PSD3: variants seen among roughly 807,000 people sequenced by gnomAD.
The protein encoded by PSD3 is pleckstrin and Sec7 domain containing 3, also known as PH and SEC7 domain-containing protein 3.
PSD3 carries 49 observed loss-of-function variants against 105.5 expected under a neutral mutation model. That is an observed-to-expected ratio of 0.46 (90% CI 0.37 to 0.59). The LOEUF is 0.59. Ranked by LOEUF, PSD3 falls within the 20% of genes least tolerant of loss-of-function variation. The pLI, the probability that PSD3 is intolerant of heterozygous loss-of-function variation, is 0.00. For missense variants in PSD3, 1,561 were observed against 1,263.8 expected, an observed-to-expected ratio of 1.24 and a Z score of -3.57; for synonymous variants, 557 against 457.8, an observed-to-expected ratio of 1.22 and a Z score of -2.77.
At chr8:18,628,971 G>C (rs769291491) in intron 11 of PSD3, among the ~76,000 whole-genome samples, 18 of 151,926 alleles carry the variant, frequency 1.2e-4, no homozygotes, top group Non-Finnish European at 2.4e-4. Flanking sequence ...AATGTAAATG[G>C]TATAGGCACT....
chr8:18,798,040 A>G (rs978529393), intron 8 of PSD3, among the ~76,000 whole-genome samples: 3 of 152,166 alleles, frequency 2.0e-5, no homozygotes, highest in Admixed American at 2.0e-4. Context: ...CTTGGCCAGT[A>G]ACACGAAAAA....
intron 4 of PSD3, among the ~76,000 whole-genome samples, chr8:18,834,274 GCAA>G (rs992409706): frequency 7.2e-5 from 11 of 152,220 alleles, no homozygotes; most frequent in Admixed American, 2.0e-4. Context: ...TGATTACATG[GCAA>G]CACCACTAAG....
intron 11 of PSD3, among the ~76,000 whole-genome samples, chr8:18,610,101 T>C (rs1365297899): frequency 6.6e-6 from 1 of 152,236 alleles, no homozygotes; most frequent in African/African-American, 2.4e-5. Flanking sequence ...AATCACTTAA[T>C]CCTTATAGTC....
intron 10 of PSD3, among the ~76,000 whole-genome samples, chr8:18,648,432 C>T (rs1808220558): frequency 6.6e-6 from 1 of 152,180 alleles, no homozygotes; most frequent in Admixed American, 6.5e-5. Flanking sequence ...GAATTTTGAA[C>T]TTGAGAGTGA....
chr8:18,666,623 C>T (rs942520049), intron 9 of PSD3, among the ~76,000 whole-genome samples: 12 of 151,864 alleles, frequency 7.9e-5, no homozygotes, highest in South Asian at 6.2e-4. Flanking sequence ...CAGGGAGAGA[C>T]TCCGGGGGTT....
intron 14 of PSD3, among the ~76,000 whole-genome samples, chr8:18,566,119 G>T (rs1801730717): frequency 6.6e-6 from 1 of 152,060 alleles, no homozygotes; most frequent in African/African-American, 2.4e-5. Context: ...AAGAGCCTCA[G>T]GTGCTACTCC....
rs201804358 is a variant in PSD3, at chr8:18,967,163, T to TA, written c.22-31022_22-31021insT. 5.5e-3 allele frequency among the ~76,000 whole-genome samples: 840 copies of TA among 151,734 alleles called. 9 individuals carry two copies. Among genetic ancestry groups the TA allele is most frequent in the Non-Finnish European group, 8.7e-3 (592 of 67,878 alleles). ...GGATTTTCTTTTTTCTTTATTTATT[T>TA]TTTTTTTTTGAGACGGAGTTTCACT... On this transcript the variant is annotated intron_variant, in intron 1 of 15. Transcript: ENST00000327040.
chr8:18,810,723 G>A (rs1253840706), intron 4 of PSD3, among the ~76,000 whole-genome samples: 1 of 152,120 alleles, frequency 6.6e-6, no homozygotes, highest in African/African-American at 2.4e-5. Flanking sequence ...TTAGGCAAAG[G>A]CAAATTAGAA....
At chr8:18,670,798 T>C (rs1315037944) in intron 9 of PSD3, among the ~76,000 whole-genome samples, 1 of 152,168 alleles carries the variant, frequency 6.6e-6, no homozygotes, top group Admixed American at 6.5e-5. Flanking sequence ...TGGGCACGAA[T>C]AGAACATTTC....
intron 2 of PSD3, among the ~76,000 whole-genome samples, chr8:18,875,172 A>C (rs146296890): frequency 5.3e-4 from 81 of 152,104 alleles, no homozygotes; most frequent in Middle Eastern, 6.8e-3. Context: ...TCTCGCCTTG[A>C]CCTTGGGATT....
At chr8:18,857,656 A>T (rs952935978) in intron 4 of PSD3, among the ~76,000 whole-genome samples, 6 of 152,212 alleles carry the variant, frequency 3.9e-5, no homozygotes, top group Non-Finnish European at 8.8e-5. Context: ...GTTGTAGACC[A>T]GTGCTTTGCA....
chr8:18,660,831 T>C (rs1809293491), intron 9 of PSD3, among the ~76,000 whole-genome samples: 1 of 152,178 alleles, frequency 6.6e-6, no homozygotes, highest in Admixed American at 6.5e-5. Flanking sequence ...CACATACCTC[T>C]CTCGACACTA....
intron 4 of PSD3, among the ~76,000 whole-genome samples, chr8:18,828,601 G>A (rs752910921): frequency 1.4e-4 from 21 of 152,202 alleles, no homozygotes; most frequent in African/African-American, 4.6e-4. Context: ...GGGAGTTCAA[G>A]ACCAGCCTGG....
chr8:19,065,942 A>G (rs953249507), intron 1 of PSD3, among the ~76,000 whole-genome samples: 1 of 152,170 alleles, frequency 6.6e-6, no homozygotes, highest in African/African-American at 2.4e-5. Context: ...CCATGAATCA[A>G]CTTGTTAGCA....
chr8:18,561,101 A>C (rs917703802), intron 14 of PSD3, among the ~76,000 whole-genome samples: 1 of 152,260 alleles, frequency 6.6e-6, no homozygotes, highest in Non-Finnish European at 1.5e-5. Context: ...GTAGCCAAAG[A>C]AATGAAATCA....
chr8:18,954,203 C>T (rs1217708237), intron 1 of PSD3, among the ~76,000 whole-genome samples: 2 of 151,960 alleles, frequency 1.3e-5, no homozygotes, highest in Non-Finnish European at 2.9e-5. Flanking sequence ...GGCACATAAA[C>T]ATGCATAGAA....
At chr8:18,964,059 C>A (rs1346567933) in intron 1 of PSD3, among the ~76,000 whole-genome samples, 1 of 152,166 alleles carries the variant, frequency 6.6e-6, no homozygotes, top group Non-Finnish European at 1.5e-5. Context: ...AGGCAAAATA[C>A]CTCAATTAAA....
chr8:18,970,661 T>C (rs1824591845), intron 1 of PSD3, among the ~76,000 whole-genome samples: 1 of 151,838 alleles, frequency 6.6e-6, no homozygotes, highest in Non-Finnish European at 1.5e-5. Flanking sequence ...ATCAATCAGT[T>C]AAAGATGAGA....
intron 1 of PSD3, among the ~76,000 whole-genome samples, chr8:18,953,611 T>A (rs1214068404): frequency 6.6e-6 from 1 of 151,962 alleles, no homozygotes; most frequent in Non-Finnish European, 1.5e-5. Flanking sequence ...TAGCTGGGCG[T>A]GGTGGCAGGC....
Sources: allele counts gnomAD v4.1 joint callset (sites outside exome capture counted in the v4.1 genomes callset), GRCh38; gene constraint gnomAD v4.1.1; transcripts MANE v1.5; gene names NCBI Gene and HGNC (gene_info 2026-07-23, HGNC 2026-07-21).